Variants in RFC5 observed in about 807,000 individuals in gnomAD.
The protein encoded by RFC5 is A1 36 kDa subunit.
In RFC5, 26 loss-of-function variants were observed where a neutral mutation model predicts 44.3. That is an observed-to-expected ratio of 0.59 (90% CI 0.43 to 0.81). RFC5 has a LOEUF of 0.81. Among genes scored for constraint, RFC5 ranks in the 40% least tolerant of loss-of-function variants. The pLI is 0.00. For missense variants in RFC5, 328 were observed against 418.6 expected, an observed-to-expected ratio of 0.78 and a Z score of 1.89; for synonymous variants, 155 against 155.2, an observed-to-expected ratio of 1.00 and a Z score of 0.01.
downstream of RFC5, chr12:118,033,478 G>A (rs1181154544): frequency 6.6e-6 from 1 of 152,032 alleles, no homozygotes; most frequent in Non-Finnish European, 1.5e-5. Flanking sequence ...ATAGTCATGC[G>A]GTTTAAGAAT....
In RFC5 at chr12:118,019,183, TATAA is replaced by T. The variant is rs759804886; in HGVS notation, c.130+50_130+53del. The T allele has an allele frequency of 1.5e-6, 2 of 1,357,080 alleles. No individual in the cohort carries two copies. The highest frequency in any genetic ancestry group is 2.1e-6 in the Non-Finnish European group (2 of 947,358). 84.1% of individuals were successfully genotyped at this position (1,357,080 alleles called of 1,614,324 possible). A position where few individuals can be genotyped will look rare whatever the true frequency, so the allele number is the denominator to read the frequency against. ...GCTCTTGTCCTGCTTGAGCGACTTG[TATAA>T]ATTGCTTGGTGATGTTGTCTCTCCT... On this transcript the variant is annotated intron_variant, in intron 2 of 10. Coordinates refer to ENST00000454402, the MANE Select transcript of RFC5 (RefSeq NM_007370.7). This position sits in a 1 kb window ranked among gnomAD's most constrained non-coding sequence, Gnocchi z 4.2.
At chr12:118,035,650 T>G (rs146625430), downstream of RFC5, 79 of 221,616 alleles carry the variant, frequency 3.6e-4, no homozygotes, top group African/African-American at 1.7e-3. Context: ...GGACTGCCTA[T>G]TATTTGCTTC....
chr12:118,026,863 T>C (rs746900048), intron 7 of RFC5, 26 bp from the exon 8 acceptor site: 6 of 1,603,560 alleles, frequency 3.7e-6, no homozygotes, highest in Non-Finnish European at 5.1e-6. Flanking sequence ...CACTGTGATC[T>C]CCCCTTTCCC....
chr12:118,017,018 C>A, intron 1 of RFC5, 126 bp downstream of exon 1: 1 of 753,764 alleles, frequency 1.3e-6, no homozygotes. Context: ...AGGCCTGCAG[C>A]CGGGACCGAC....
intron 6 of RFC5, 101 bp from the exon 7 acceptor site, chr12:118,025,646 C>G: frequency 1.4e-6 from 1 of 725,130 alleles, no homozygotes; most frequent in Non-Finnish European, 2.5e-6. Flanking sequence ...CTCCTTCCTT[C>G]ATCCCTTTAA....
chr12:118,024,797 T>C (rs2030818647), intron 5 of RFC5, 54 bp from the exon 6 acceptor site: 2 of 1,508,140 alleles, frequency 1.3e-6, no homozygotes, highest in Non-Finnish European at 1.8e-6. Flanking sequence ...TTCTGGGCTC[T>C]CTGAAAAATC....
chr12:118,022,423 T>G, intron 5 of RFC5, 64 bp downstream of exon 5: 1 of 1,132,440 alleles, frequency 8.8e-7, no homozygotes, highest in Non-Finnish European at 1.3e-6. Context: ...TTAGGAACTT[T>G]GTGTTTGTTG....
Position 118,025,790 on chromosome 12 carries a change from T to A in RFC5, c.625T>A (p.Ser209Thr). The change falls in exon 7 of 11, where the codon TCC becomes ACC. Residue 209 changes from serine to threonine, a missense_variant. By Grantham distance (58) the Ser-to-Thr change is moderately conservative. Transcript: ENST00000454402. Reference sequence around the variant, plus strand: ...TGGAATGAAAGCACTAGTCACTCTTTCCAGTGGAGACATGCGTAGGGCTCT... The same window carrying A: ...TGGAATGAAAGCACTAGTCACTCTTACCAGTGGAGACATGCGTAGGGCTCT... ...EDGMKALVTL[S>T]SGDMRRALNI... The A allele has an allele frequency of 6.2e-7, 1 of 1,610,170 alleles. No individual in the cohort carries two copies. Among genetic ancestry groups the A allele is most frequent in the Non-Finnish European group, 8.5e-7 (1 of 1,177,808 alleles).
chr12:118,034,583 GTC>G (rs10624358), downstream of RFC5: 60 of 538,258 alleles, frequency 1.1e-4, no homozygotes, highest in African/African-American at 7.9e-4. Flanking sequence ...CGCTCTCTCT[GTC>G]TCTCTCTCGG....
At chr12:118,017,625 TA>T (rs1161069465) in intron 1 of RFC5, 95 of 1,043,980 alleles carry the variant, frequency 9.1e-5, no homozygotes, top group Middle Eastern at 4.4e-4. Flanking sequence ...TTATTGTGGT[TA>T]AAAAAAACCC....
downstream of RFC5, chr12:118,036,213 A>C (rs1566135611): frequency 8.6e-7 from 1 of 1,161,150 alleles, no homozygotes; most frequent in East Asian, 2.4e-5. Context: ...AAAGAGACCC[A>C]CTGTGCCTTT....
chr12:118,019,546 A>C lies in RFC5; in HGVS notation c.131-86A>C. On this transcript the variant is annotated intron_variant, in intron 2 of 10. Coordinates refer to ENST00000454402, the MANE Select transcript of RFC5 (RefSeq NM_007370.7). The surrounding 1 kb of genome is among the most constrained non-coding windows in gnomAD (Gnocchi z 4.2). Reference sequence around the variant, plus strand: ...TGATTTGGACATTGAATTGGGTTGAAGAGCTTTCAGCCCAACTCAGGAGCC... The same window carrying C: ...TGATTTGGACATTGAATTGGGTTGACGAGCTTTCAGCCCAACTCAGGAGCC... The C allele has an allele frequency of 1.0e-5, 15 of 1,491,666 alleles. No individual in the cohort carries two copies. Among genetic ancestry groups the C allele is most frequent in the African/African-American group, 1.4e-5 (1 of 71,722 alleles). 92.4% of individuals were successfully genotyped at this position (1,491,666 alleles called of 1,614,324 possible). A position where few individuals can be genotyped will look rare whatever the true frequency, so the allele number is the denominator to read the frequency against.
intron 9 of RFC5, among the ~76,000 whole-genome samples, chr12:118,029,307 A>G (rs1229812214): frequency 2.0e-5 from 3 of 152,158 alleles, no homozygotes; most frequent in African/African-American, 7.2e-5. Flanking sequence ...AGCCCCAGTT[A>G]CTCAAGGGTC....
intron 4 of RFC5, among the ~76,000 whole-genome samples, chr12:118,021,463 G>A (rs1332320625): frequency 2.0e-5 from 3 of 151,864 alleles, no homozygotes; most frequent in Non-Finnish European, 4.4e-5. Context: ...TCTGCCCGCC[G>A]CAGCCTCCCA....
chr12:118,024,143 C>T (rs551844314), intron 5 of RFC5, among the ~76,000 whole-genome samples: 137 of 152,074 alleles, frequency 9.0e-4, no homozygotes, highest in African/African-American at 2.9e-3. Flanking sequence ...AGATCGAGAC[C>T]ATCCTGGCTA....
downstream of RFC5, chr12:118,033,517 T>C (rs889836727): frequency 1.3e-5 from 2 of 152,020 alleles, no homozygotes; most frequent in African/African-American, 2.4e-5. Flanking sequence ...ACATACAAAT[T>C]TGTCATTTCC....
At chr12:118,032,350 A>G (rs544451693), downstream of RFC5, 1 of 152,232 alleles carries the variant, frequency 6.6e-6, no homozygotes, top group African/African-American at 2.4e-5. Context: ...CTGATGGCCA[A>G]CCAGGCCTCA....
chr12:118,018,020 C>T, intron 1 of RFC5: 1 of 701,922 alleles, frequency 1.4e-6, no homozygotes, highest in Non-Finnish European at 2.6e-6. Context: ...AATCTGCTTT[C>T]TATCTATGGA....
In RFC5 at chr12:118,026,973, A is replaced by G; in HGVS notation, c.748A>G (p.Ile250Val). ...CCCGCTCAAGTCAGACATTGCCAACATCCTGGACTGGATGTTGAATCAAGA... is the reference window on the plus strand; with the variant it reads ...CCCGCTCAAGTCAGACATTGCCAACGTCCTGGACTGGATGTTGAATCAAGA... The part of the protein sequence containing the change: ...GHPLKSDIAN[I>V]LDWMLNQDFT... The change falls in exon 8 of 11, where the codon ATC becomes GTC. Residue 250 changes from isoleucine (I) to valine (V), a missense_variant. Physicochemically the swap from Ile to Val is conservative, Grantham distance 29. Coordinates refer to ENST00000454402, the MANE Select transcript of RFC5 (RefSeq NM_007370.7). The G allele has an allele frequency of 1.2e-6, 2 of 1,613,926 alleles. No homozygotes were observed. The highest frequency in any genetic ancestry group is 2.2e-5 in the South Asian group (2 of 91,082).
Sources: allele counts gnomAD v4.1 joint callset (sites outside exome capture counted in the v4.1 genomes callset), GRCh38; gene constraint gnomAD v4.1.1; non-coding constraint Gnocchi (gnomAD v3.1); transcripts MANE v1.5; gene names NCBI Gene and HGNC (gene_info 2026-07-23, HGNC 2026-07-21).